Variants in ADGRL3 observed in about 807,000 individuals in gnomAD.
ADGRL3 encodes the protein adhesion G protein-coupled receptor L3.
In ADGRL3, 62 loss-of-function variants were observed where a neutral mutation model predicts 153.5. That is an observed-to-expected ratio of 0.40 (90% CI 0.33 to 0.50). The LOEUF is 0.50. Ranked by LOEUF, ADGRL3 falls within the 20% of genes least tolerant of loss-of-function variation. ADGRL3 has a pLI of 0.47. For missense variants in ADGRL3, 1,641 were observed against 1,859.4 expected, an observed-to-expected ratio of 0.88 and a Z score of 2.16; for synonymous variants, 710 against 672.5, an observed-to-expected ratio of 1.06 and a Z score of -0.86.
intron 2 of ADGRL3, among the ~76,000 whole-genome samples, chr4:61,399,971 C>T (rs2096910884): frequency 6.6e-6 from 1 of 151,484 alleles, no homozygotes; most frequent in Non-Finnish European, 1.5e-5. Flanking sequence ...CGATGAGTAC[C>T]AAGGCATATG....
chr4:61,952,478 CAAA>C (rs35219845), intron 17 of ADGRL3, among the ~76,000 whole-genome samples: 7 of 66,706 alleles, frequency 1.0e-4, no homozygotes, highest in Admixed American at 1.7e-4. Flanking sequence ...GACCCTGTCT[CAAA>C]AAAAAAAAAA....
intron 6 of ADGRL3, among the ~76,000 whole-genome samples, chr4:61,697,531 C>T (rs2095664191): frequency 6.9e-6 from 1 of 145,736 alleles, no homozygotes; most frequent in African/African-American, 2.6e-5. Flanking sequence ...TACACTCCAG[C>T]CGGGATGGCA....
intron 13 of ADGRL3, among the ~76,000 whole-genome samples, chr4:61,920,938 G>A (rs1164397891): frequency 6.6e-6 from 1 of 152,066 alleles, no homozygotes; most frequent in East Asian, 1.9e-4. Context: ...GAGGGATATT[G>A]GGCAACTAGC....
At chr4:61,315,027 A>C (rs889182634) in intron 1 of ADGRL3, among the ~76,000 whole-genome samples, 6 of 152,242 alleles carry the variant, frequency 3.9e-5, no homozygotes, top group African/African-American at 1.4e-4. Flanking sequence ...GAATCTGTAC[A>C]TGGGATCTTG....
rs2098950168 is a variant in ADGRL3, at chr4:61,587,258, G to A, written c.291G>A (p.Val97=). 2 of 1,608,976 alleles carry A rather than the reference G, an allele frequency of 1.2e-6. No homozygotes were observed. Among genetic ancestry groups the A allele is most frequent in the Non-Finnish European group, 1.7e-6 (2 of 1,177,498 alleles). Residue 97 remains valine (V), a synonymous_variant, in exon 5 of 27, where the codon GTG becomes GTA. Coordinates refer to ENST00000683033, the MANE Select transcript of ADGRL3 (RefSeq NM_001387552.1). ...AFSRAPIPMA[V]VRRELSCESY... is the part of the protein sequence containing the mutation. ...GCCGTGCCCCAATTCCAATGGCTGT[G>A]GTCCGCAGAGAGCTATCCTGTGAGA... is the stretch of plus-strand genomic sequence containing the variant.
intron 2 of ADGRL3, among the ~76,000 whole-genome samples, chr4:61,482,688 G>A (rs973774493): frequency 6.6e-6 from 1 of 152,068 alleles, no homozygotes; most frequent in Non-Finnish European, 1.5e-5. Context: ...AAAAATAGGA[G>A]CCATTAAACC....
intron 4 of ADGRL3, among the ~76,000 whole-genome samples, chr4:61,522,112 G>T (rs1579318374): frequency 6.6e-6 from 1 of 152,022 alleles, no homozygotes; most frequent in Non-Finnish European, 1.5e-5. Context: ...AGCCAAGATT[G>T]GTTCTGAATT....
chr4:61,553,058 C>A (rs1001703831), intron 4 of ADGRL3, among the ~76,000 whole-genome samples: 1 of 152,104 alleles, frequency 6.6e-6, no homozygotes, highest in East Asian at 1.9e-4. Flanking sequence ...TGGCTTATTG[C>A]GCCTGAGCCA....
At chr4:61,892,544 G>T (rs2098596297) in intron 9 of ADGRL3, 112 bp from the exon 10 acceptor site, 6 of 761,150 alleles carry the variant, frequency 7.9e-6, no homozygotes, top group Admixed American at 2.6e-5. Context: ...GACTTCTAGA[G>T]CTTTAAAGCT....
chr4:61,606,784 C>T (rs754287793), intron 5 of ADGRL3, among the ~76,000 whole-genome samples: 4 of 151,946 alleles, frequency 2.6e-5, no homozygotes, highest in Non-Finnish European at 5.9e-5. Flanking sequence ...TTAGGAGAGT[C>T]CCTGTCTTGC....
At chr4:61,767,330 C>G (rs950499453) in intron 8 of ADGRL3, among the ~76,000 whole-genome samples, 4 of 150,486 alleles carry the variant, frequency 2.7e-5, no homozygotes, top group Admixed American at 6.6e-5. Context: ...AGAGTATTGT[C>G]TAAGTTGGCA....
chr4:61,308,950 T>C (rs1484943142), intron 1 of ADGRL3, among the ~76,000 whole-genome samples: 3 of 152,200 alleles, frequency 2.0e-5, no homozygotes, highest in Non-Finnish European at 4.4e-5. Context: ...CCACTTCATT[T>C]CATTTTTTCT....
intron 21 of ADGRL3, among the ~76,000 whole-genome samples, chr4:62,028,334 C>G (rs372579623): frequency 3.3e-5 from 5 of 151,748 alleles, no homozygotes; most frequent in African/African-American, 1.2e-4. Context: ...TTAAAGTACT[C>G]AAGATAGATT....
In ADGRL3 at chr4:61,408,329, C is replaced by A. The variant is rs191124079; in HGVS notation, c.-174+25140C>A. Among the ~76,000 whole-genome samples, 10 of 152,010 alleles carry A rather than the reference C, an allele frequency of 6.6e-5. No individual in the cohort carries two copies. The East Asian group carries it at 1.9e-3, about 29-fold the overall frequency. ...CTTGGTTCTTACCTCTCTTGCTGAG[C>A]CCCTGTTGGCCAGTGGGAAGGCTAT... On this transcript the variant is annotated intron_variant, in intron 2 of 26. Coordinates refer to ENST00000683033, the MANE Select transcript of ADGRL3 (RefSeq NM_001387552.1).
At chr4:61,984,302 G>A (rs959996144) in intron 19 of ADGRL3, among the ~76,000 whole-genome samples, 6 of 152,050 alleles carry the variant, frequency 3.9e-5, no homozygotes, top group African/African-American at 1.4e-4. Flanking sequence ...CTAGACCCAG[G>A]ACTAAAAAAT....
At chr4:61,392,263 A>T (rs1369035679) in intron 2 of ADGRL3, among the ~76,000 whole-genome samples, 1 of 152,132 alleles carries the variant, frequency 6.6e-6, no homozygotes, top group Non-Finnish European at 1.5e-5. Flanking sequence ...TGCCAAAACA[A>T]TTGACCATAG....
intron 5 of ADGRL3, among the ~76,000 whole-genome samples, chr4:61,646,828 T>C (rs1162819810): frequency 6.6e-6 from 1 of 152,166 alleles, no homozygotes; most frequent in Non-Finnish European, 1.5e-5. Context: ...CCCAGCTGCT[T>C]TGTTTACCTA....
intron 2 of ADGRL3, among the ~76,000 whole-genome samples, chr4:61,444,949 G>A (rs1474729218): frequency 6.6e-6 from 1 of 151,956 alleles, no homozygotes; most frequent in Non-Finnish European, 1.5e-5. Flanking sequence ...GCTACTCGGA[G>A]ACTGGGGTGG....
intron 4 of ADGRL3, among the ~76,000 whole-genome samples, chr4:61,550,164 G>C (rs1405554408): frequency 6.7e-6 from 1 of 149,610 alleles, no homozygotes; most frequent in Non-Finnish European, 1.5e-5. Flanking sequence ...ATTATTTGAA[G>C]ATTTATTTAA....
Sources: allele counts gnomAD v4.1 joint callset (sites outside exome capture counted in the v4.1 genomes callset), GRCh38; gene constraint gnomAD v4.1.1; transcripts MANE v1.5; gene names NCBI Gene and HGNC (gene_info 2026-07-23, HGNC 2026-07-21).